Variants in CENPE observed in about 807,000 individuals in gnomAD.
CENPE encodes the protein centromere protein E.
CENPE carries 145 observed loss-of-function variants against 336.1 expected under a neutral mutation model. That is an observed-to-expected ratio of 0.43 (90% confidence interval 0.38 to 0.50). The LOEUF is 0.50. Ranked by LOEUF, CENPE falls within the 20% of genes least tolerant of loss-of-function variation. The pLI is 0.00. For missense variants in CENPE, 2,719 were observed against 3,023.3 expected (o/e 0.90, Z 2.36); for synonymous variants, 1,013 against 984.8 (o/e 1.03, Z -0.54).
chr4:103,192,310 A>T (rs1578699029), intron 8 of CENPE, among the ~76,000 whole-genome samples: 1 of 152,336 alleles, frequency 6.6e-6, no homozygotes, highest in East Asian at 1.9e-4. Context: ...AAAGATGAGA[A>T]CAAGCATTCA....
rs549055603 is a variant in CENPE, at chr4:103,191,228, A to G, written c.693+3001T>C. 2.0e-5 allele frequency among the ~76,000 whole-genome samples: 3 copies of G among 152,346 alleles called. No homozygotes were observed. The South Asian group carries it at 6.2e-4, about 32-fold the overall frequency. ...TGTAAACTACTTCAGCCATTGTGGAAGACAGTGTGGTGATTCCTCAGGGAT... is the reference window on the plus strand; with the variant it reads ...TGTAAACTACTTCAGCCATTGTGGAGGACAGTGTGGTGATTCCTCAGGGAT... On this transcript the variant is annotated intron_variant, in intron 8 of 48. Transcript: ENST00000265148.
chr4:103,110,580 A>C (rs1232771708), intron 47 of CENPE, among the ~76,000 whole-genome samples: 2 of 152,038 alleles, frequency 1.3e-5, no homozygotes, highest in Non-Finnish European at 2.9e-5. Flanking sequence ...TGCCCCCTCA[A>C]AGGTCTTTGT....
rs1217008921 is a variant in CENPE, at chr4:103,195,987, A to G, written c.290T>C (p.Met97Thr). ...AACTCCCAAATGATCTTCTGAACCC[A>G]TCATGGTATATGTTTTTCCTGAAGC... Reference protein sequence around the residue: ...QTASGKTYTMMGSEDHLGVIP... With the variant: ...QTASGKTYTMTGSEDHLGVIP... The change falls in exon 4 of 49, where the codon ATG becomes ACG. Residue 97 changes from methionine to threonine, a missense_variant. Coordinates refer to ENST00000265148, the MANE Select transcript of CENPE (RefSeq NM_001813.3). 6.2e-7 allele frequency: 1 copy of G among 1,613,872 alleles called. No homozygotes were observed. The highest frequency in any genetic ancestry group is 1.1e-5 in the South Asian group (1 of 91,078).
At chr4:103,132,318 T>C (rs187596501) in intron 42 of CENPE, among the ~76,000 whole-genome samples, 69 of 152,304 alleles carry the variant, frequency 4.5e-4, no homozygotes, top group Admixed American at 1.2e-3. Context: ...CTGGCCAGGC[T>C]TGTCTATGAC....
At chr4:103,134,030 GCTTCT>G in intron 40 of CENPE, 138 bp from the exon 41 acceptor site, 2 of 657,298 alleles carry the variant, frequency 3.0e-6, no homozygotes, top group Non-Finnish European at 5.3e-6. Context: ...AAGGGAAAGA[GCTTCT>G]CTCTATCCCC....
chr4:103,110,276 T>C (rs992272087), intron 47 of CENPE, among the ~76,000 whole-genome samples: 3 of 152,202 alleles, frequency 2.0e-5, no homozygotes, highest in African/African-American at 7.2e-5. Flanking sequence ...CTAGATAACG[T>C]TGGATCTCTC....
In CENPE at chr4:103,183,278, G is replaced by A. The variant is rs1328779409; in HGVS notation, c.756C>T (p.Leu252=). The A allele has an allele frequency of 1.9e-6, 3 of 1,611,604 alleles. No individual in the cohort carries two copies. Among genetic ancestry groups the A allele is most frequent in the Non-Finnish European group, 2.5e-6 (3 of 1,178,762 alleles). Residue 252 remains leucine (L), a synonymous_variant, in exon 10 of 49, where the codon CTC becomes CTT. Coordinates refer to ENST00000265148, the MANE Select transcript of CENPE (RefSeq NM_001813.3). ...AAQTGAAGVR[L]KEGCNINRSL... ...TTCGATTTATATTACAGCCTTCCTTGAGCCGCACACCTGAATTTATTAAAC... is the reference window on the plus strand; with the variant it reads ...TTCGATTTATATTACAGCCTTCCTTAAGCCGCACACCTGAATTTATTAAAC...
intron 34 of CENPE, 63 bp downstream of exon 34, chr4:103,143,185 T>C: frequency 8.4e-7 from 1 of 1,195,096 alleles, no homozygotes. Context: ...TCATATCTTG[T>C]TTCATTACAC....
chr4:103,161,362 A>T lies in CENPE; in HGVS notation c.1938T>A (p.Ser646Arg). The change falls in exon 19 of 49, where the codon AGT (serine) becomes AGA (arginine). Residue 646 changes from serine to arginine, a missense_variant. By Grantham distance (110) the Ser-to-Arg change is moderately radical. Around this residue, in one of 5 missense-constraint regions of CENPE, gnomAD observed 2,437 missense variants for 2,513.3 expected, o/e 0.97. Coordinates refer to ENST00000265148, the MANE Select transcript of CENPE (RefSeq NM_001813.3). The stretch of plus-strand genomic sequence containing the variant: ...TTTTCTCCTTCAGCTCCAGATTTTC[A>T]CTTCTAAGAAAGGCTGATTCTCTCT... ...DAKRESAFLR[S>R]ENLELKEKMK... 6.2e-7 allele frequency: 1 copy of T among 1,611,360 alleles called. No individual in the cohort carries two copies. Among genetic ancestry groups the T allele is most frequent in the Non-Finnish European group, 8.5e-7 (1 of 1,178,938 alleles).
Position 103,151,254 on chromosome 4 carries a change from T to C in CENPE, c.3361A>G (p.Arg1121Gly), listed in dbSNP as rs772984712. The change falls in exon 26 of 49, where the codon AGA becomes GGA. Residue 1121 changes from arginine to glycine, a missense_variant. Physicochemically the swap from Arg to Gly is moderately radical, Grantham distance 125. Transcript: ENST00000265148. ...KEGELSRTCD[R>G]LAEVEEKLKE... The stretch of plus-strand genomic sequence containing the variant: ...AGTTTTTCTTCAACTTCTGCCAGTC[T>C]GTCACAGGTCCTAGAAAGCTCTCCT... 1 of 1,601,922 alleles carries C rather than the reference T, an allele frequency of 6.2e-7. No homozygotes were observed. Among genetic ancestry groups the C allele is most frequent in the Non-Finnish European group, 8.5e-7 (1 of 1,177,402 alleles).
At chr4:103,186,051 A>C (rs749292666) in intron 8 of CENPE, among the ~76,000 whole-genome samples, 190 bp from the exon 9 acceptor site, 12 of 152,042 alleles carry the variant, frequency 7.9e-5, no homozygotes, top group Non-Finnish European at 7.4e-5. Context: ...CTTTCTTTAT[A>C]TCTTCCATAA....
chr4:103,197,341 C>T (rs1757818515), intron 1 of CENPE, among the ~76,000 whole-genome samples: 1 of 152,200 alleles, frequency 6.6e-6, no homozygotes, highest in Admixed American at 6.5e-5. Flanking sequence ...GATTATTTCA[C>T]TCATGAAAAG....
intron 28 of CENPE, among the ~76,000 whole-genome samples, chr4:103,147,938 C>T (rs1172604988): frequency 3.9e-5 from 6 of 152,120 alleles, no homozygotes; most frequent in Non-Finnish European, 1.5e-5. Flanking sequence ...AGGTGATCTG[C>T]CTGCCTTGGC....
At chr4:103,115,397 G>A (rs985140725) in intron 45 of CENPE, among the ~76,000 whole-genome samples, 2 of 151,848 alleles carry the variant, frequency 1.3e-5, no homozygotes, top group Non-Finnish European at 2.9e-5. Context: ...GCCTCCCAAA[G>A]TGCTGGGATC....
intron 26 of CENPE, among the ~76,000 whole-genome samples, chr4:103,149,724 C>T (rs1477844952): frequency 6.6e-6 from 1 of 152,068 alleles, no homozygotes; most frequent in East Asian, 1.9e-4. Context: ...CATAAAAGCA[C>T]ATAGAGAGGC....
chr4:103,116,005 G>C (rs1383532385), intron 45 of CENPE, among the ~76,000 whole-genome samples: 1 of 151,972 alleles, frequency 6.6e-6, no homozygotes, highest in African/African-American at 2.4e-5. Flanking sequence ...TGCTGGGATT[G>C]AGAACGTATT....
chr4:103,181,441 T>C lies in CENPE; in HGVS notation c.979A>G (p.Lys327Glu), dbSNP rs1427674746. The C allele has an allele frequency of 6.4e-7, 1 of 1,567,848 alleles. No homozygotes were observed. The highest frequency in any genetic ancestry group is 8.6e-7 in the Non-Finnish European group (1 of 1,162,380). ...ACATAAGGAGTATTCTTCATATATTTAGCAGTACTGGCAAACTGGAAAAAA... is the reference window on the plus strand; with the variant it reads ...ACATAAGGAGTATTCTTCATATATTCAGCAGTACTGGCAAACTGGAAAAAA... The part of the protein sequence containing the change: ...LTALQFASTA[K>E]YMKNTPYVNE... The change falls in exon 12 of 49, where the codon AAA becomes GAA. Residue 327 changes from lysine to glutamate, a missense_variant. Physicochemically the swap from Lys to Glu is moderately conservative, Grantham distance 56. This residue lies in a region of CENPE where 117 missense variants were observed against 215.8 expected (regional missense o/e 0.54). Coordinates refer to ENST00000265148, the MANE Select transcript of CENPE (RefSeq NM_001813.3).
At chr4:103,166,199 G>A (rs565316221) in intron 16 of CENPE, among the ~76,000 whole-genome samples, 147 of 152,304 alleles carry the variant, frequency 9.7e-4, no homozygotes, top group African/African-American at 3.2e-3. Flanking sequence ...GGACCTTGGT[G>A]AGCATCTGGT....
chr4:103,110,755 G>A (rs1168082475), intron 47 of CENPE, 73 bp downstream of exon 47: 12 of 1,147,840 alleles, frequency 1.0e-5, no homozygotes, highest in East Asian at 7.7e-5. Context: ...CAAAAAATAC[G>A]TGCATATACC....
Sources: allele counts gnomAD v4.1 joint callset (sites outside exome capture counted in the v4.1 genomes callset), GRCh38; gene constraint gnomAD v4.1.1; regional missense constraint gnomAD v4.1.1; transcripts MANE v1.5; gene names NCBI Gene and HGNC (gene_info 2026-07-23, HGNC 2026-07-21).